The following CENPK variants were observed in gnomAD, a reference collection of about 807,000 sequenced individuals.
CENPK encodes SoxLZ/Sox6-binding protein Solt.
Under a neutral mutation model 40.9 loss-of-function variants are expected in CENPK, and 46 were observed. The ratio of observed to expected loss-of-function variants is 1.13; its 90% CI spans 0.89 to 1.44. The LOEUF (loss-of-function observed/expected upper bound fraction) is 1.44, where lower values mean the gene tolerates loss of function less well. CENPK is among the 40% of genes most tolerant of loss of function. The pLI, the probability that CENPK is intolerant of heterozygous loss-of-function variation, is 0.00. For missense variants in CENPK, 288 were observed against 303.5 expected (o/e 0.95, Z 0.38); for synonymous variants, 107 against 104.4 (o/e 1.02, Z -0.15).
chr5:65,542,807 C>A lies in CENPK; in HGVS notation c.283G>T (p.Glu95Ter). ...AAATTCATTGAGTGGCTTACCTCTTCTTTTCCTAATGTTATGAGAACGTCT... is the reference window on the plus strand; with the variant it reads ...AAATTCATTGAGTGGCTTACCTCTTATTTTCCTAATGTTATGAGAACGTCT... ...TEDVLITLGK[E>*]EFQKLRQDLE... is the part of the protein sequence containing the mutation. The change falls in exon 6 of 11, where the codon GAA becomes TAA. Residue 95 changes from glutamate to a stop codon, truncating the protein, a stop_gained. Transcript: ENST00000396679. LOFTEE classifies it high-confidence loss of function. The A allele has an allele frequency of 6.2e-7, 1 of 1,608,292 alleles. No individual in the cohort carries two copies. Among genetic ancestry groups the A allele is most frequent in the Non-Finnish European group, 8.5e-7 (1 of 1,177,586 alleles).
chr5:65,519,124 C>T (rs1038730066), intron 10 of CENPK, among the ~76,000 whole-genome samples: 6 of 152,154 alleles, frequency 3.9e-5, no homozygotes, highest in South Asian at 4.1e-4. Context: ...CCCTGATCTT[C>T]GTTAAGGATA....
chr5:65,525,972 T>C (rs555258000), intron 9 of CENPK, among the ~76,000 whole-genome samples: 1 of 152,258 alleles, frequency 6.6e-6, no homozygotes, highest in African/African-American at 2.4e-5. Flanking sequence ...ACAGCCCAAG[T>C]AGACTAATAA....
chr5:65,543,572 C>T (rs1748357608), intron 5 of CENPK, among the ~76,000 whole-genome samples: 1 of 152,114 alleles, frequency 6.6e-6, no homozygotes, highest in African/African-American at 2.4e-5. Context: ...CCAGGGAAAC[C>T]TAGACCTATA....
intron 10 of CENPK, 64 bp from the exon 11 acceptor site, chr5:65,518,697 G>GT (rs936135871): frequency 1.9e-6 from 2 of 1,054,092 alleles, no homozygotes; most frequent in African/African-American, 1.6e-5. Flanking sequence ...CTATAAGAAA[G>GT]TTTTTTGTCA....
intron 8 of CENPK, 103 bp downstream of exon 8, chr5:65,528,816 A>G: frequency 1.1e-6 from 1 of 908,090 alleles, no homozygotes; most frequent in Non-Finnish European, 1.6e-6. Context: ...AGTTAGGGCA[A>G]GACTCCTGAT....
chr5:65,498,419 G>A, the CENPK span, among the ~76,000 whole-genome samples: 7 of 151,830 alleles, frequency 4.6e-5, no homozygotes, highest in African/African-American at 1.7e-4. Flanking sequence ...TTTGAATGAA[G>A]TAAAATCCTA....
In CENPK at chr5:65,528,464, A is replaced by G; in HGVS notation, c.585T>C (p.Val195=). The change falls in exon 9 of 11, where the codon GTT becomes GTC. Residue 195 remains valine (V), a synonymous_variant. Coordinates refer to ENST00000396679, the MANE Select transcript of CENPK (RefSeq NM_022145.5). ...CTCTAAAACTTACCTTTTTCTTTTT[A>G]ACACTTCTATCAGGCAGAGGAAAAT... ...EDHFPLPDRS[V]KKKKKNIQES... 6.3e-7 allele frequency: 1 copy of G among 1,590,850 alleles called. No homozygotes were observed.
chr5:65,559,399 G>A (rs568119628), intron 2 of CENPK, among the ~76,000 whole-genome samples: 67 of 152,182 alleles, frequency 4.4e-4, no homozygotes, highest in Admixed American at 2.4e-3. Flanking sequence ...GGAGGCCGAG[G>A]CGGGCGGATC....
intron 9 of CENPK, among the ~76,000 whole-genome samples, chr5:65,524,371 C>T (rs935259212): frequency 8.1e-5 from 12 of 149,016 alleles, no homozygotes; most frequent in Non-Finnish European, 1.3e-4. Context: ...GGCAACAAAG[C>T]GAGACTCCAA....
chr5:65,518,403 C>T lies in CENPK; in HGVS notation c.*72G>A, dbSNP rs1743088868. 6.2e-6 allele frequency: 9 copies of T among 1,457,914 alleles called. No homozygotes were observed. The highest frequency in any genetic ancestry group is 1.4e-5 in the African/African-American group (1 of 69,636). The allele number at this position is 1,457,914 out of a possible 1,614,324, so 90.3% of individuals were successfully genotyped here. On this transcript the variant is annotated 3_prime_UTR_variant, in exon 11 of 11. Coordinates refer to ENST00000396679, the MANE Select transcript of CENPK (RefSeq NM_022145.5). ...TTAATTTGCAAATAATGTTTTTTATCCAAATAGTCCTGTGGTTCCAATATC... is the reference window on the plus strand; with the variant it reads ...TTAATTTGCAAATAATGTTTTTTATTCAAATAGTCCTGTGGTTCCAATATC...
At chr5:65,538,719 C>T (rs1747406301) in intron 6 of CENPK, among the ~76,000 whole-genome samples, 1 of 152,198 alleles carries the variant, frequency 6.6e-6, no homozygotes. Context: ...ATCTTTCTGA[C>T]TTTCGACCTG....
At chr5:65,544,303 T>C (rs545332648) in intron 5 of CENPK, among the ~76,000 whole-genome samples, 2 of 152,160 alleles carry the variant, frequency 1.3e-5, no homozygotes, top group African/African-American at 4.8e-5. Flanking sequence ...AACACTATCA[T>C]AATGGTGATT....
At chr5:65,547,341 C>T (rs978797500) in intron 5 of CENPK, among the ~76,000 whole-genome samples, 2 of 146,454 alleles carry the variant, frequency 1.4e-5, no homozygotes, top group Admixed American at 7.0e-5. Flanking sequence ...TGCAGTGAGC[C>T]GAGATTGCAC....
chr5:65,499,466 A>T, the CENPK span, among the ~76,000 whole-genome samples: 2 of 150,174 alleles, frequency 1.3e-5, no homozygotes, highest in African/African-American at 2.5e-5. Context: ...TTCTCTTTTC[A>T]GTTTACTTAC....
At chr5:65,548,104 G>A (rs1037002811) in intron 5 of CENPK, among the ~76,000 whole-genome samples, 6 of 152,226 alleles carry the variant, frequency 3.9e-5, no homozygotes, top group African/African-American at 1.4e-4. Flanking sequence ...GAAAAAGAGG[G>A]TACAATCCAA....
chr5:65,561,722 T>C (rs1464183600), intron 1 of CENPK, among the ~76,000 whole-genome samples, 158 bp from the exon 2 acceptor site: 1 of 152,234 alleles, frequency 6.6e-6, no homozygotes, highest in Non-Finnish European at 1.5e-5. Flanking sequence ...AGGACTACAA[T>C]ACTTAATCAT....
intron 9 of CENPK, among the ~76,000 whole-genome samples, chr5:65,525,821 C>T (rs1392722219): frequency 6.6e-6 from 1 of 152,062 alleles, no homozygotes; most frequent in Non-Finnish European, 1.5e-5. Flanking sequence ...AATGTGAGAA[C>T]ACAGTGAGCA....
At chr5:65,562,322 T>C (rs990966077) in intron 1 of CENPK, among the ~76,000 whole-genome samples, 1 of 152,010 alleles carries the variant, frequency 6.6e-6, no homozygotes, top group Non-Finnish European at 1.5e-5. Context: ...CAAAAGAAAG[T>C]AGTCTGATGA....
chr5:65,498,313 T>C, the CENPK span, among the ~76,000 whole-genome samples: 1 of 152,138 alleles, frequency 6.6e-6, no homozygotes, highest in African/African-American at 2.4e-5. Context: ...GGCATATCTC[T>C]TTATATATGT....
Sources: gnomAD v4.1 joint callset for allele counts (sites outside exome capture counted in the v4.1 genomes callset) on GRCh38, gnomAD v4.1.1 for gene constraint, MANE v1.5 for transcripts, NCBI Gene and HGNC (gene_info 2026-07-23, HGNC 2026-07-21) for gene names.